FANK1: variants seen among roughly 807,000 people sequenced by gnomAD.
FANK1 encodes fibronectin type 3 and ankyrin repeat domains protein 1.
In FANK1, 44 loss-of-function variants were observed where a neutral mutation model predicts 45.3. The observed-to-expected ratio is 0.97, with a 90% CI of 0.76 to 1.25. FANK1 has a LOEUF of 1.25. Ranked by LOEUF, FANK1 falls within the 50% of genes most tolerant of loss-of-function variation. The pLI is 0.00. For missense variants in FANK1, 391 were observed against 424.4 expected (o/e 0.92, Z 0.69); for synonymous variants, 149 against 152.5 (o/e 0.98, Z 0.17).
intron 1 of FANK1, among the ~76,000 whole-genome samples, chr10:125,929,095 G>A (rs1214944934): frequency 3.9e-5 from 6 of 152,230 alleles, no homozygotes; most frequent in Admixed American, 2.6e-4. Context: ...GATGATGTGC[G>A]TATGCACAGG....
intron 1 of FANK1, among the ~76,000 whole-genome samples, chr10:125,933,691 C>G (rs1947896743): frequency 6.6e-6 from 1 of 151,874 alleles, no homozygotes; most frequent in Non-Finnish European, 1.5e-5. Flanking sequence ...TTGGTTTGTT[C>G]TTGGCTCTCT....
At chr10:126,001,159 TGTTTGTTG>T (rs1952728416) in intron 6 of FANK1, among the ~76,000 whole-genome samples, 2 of 152,208 alleles carry the variant, frequency 1.3e-5, no homozygotes, top group South Asian at 4.1e-4. Context: ...TTAGTAAGGG[TGTTTGTTG>T]TTGCCTTATT....
chr10:125,913,968 CA>C (rs1244263082), intron 1 of FANK1, among the ~76,000 whole-genome samples: 1 of 152,064 alleles, frequency 6.6e-6, no homozygotes, highest in Non-Finnish European at 1.5e-5. Context: ...AGTAAAAACA[CA>C]AAGAAGATGT....
chr10:125,958,107 A>G (rs1949696106), intron 1 of FANK1, among the ~76,000 whole-genome samples: 1 of 152,138 alleles, frequency 6.6e-6, no homozygotes, highest in South Asian at 2.1e-4. Context: ...ACTGTTAACT[A>G]TAGTCATTCT....
chr10:125,956,760 T>C (rs747224366), intron 1 of FANK1, among the ~76,000 whole-genome samples: 7 of 152,096 alleles, frequency 4.6e-5, no homozygotes, highest in Non-Finnish European at 1.0e-4. Flanking sequence ...TAGGAGAATA[T>C]CCGACAAGCC....
rs531891532 is a variant in FANK1, at chr10:125,971,898, A to G, written c.14-8263A>G. On this transcript the variant is annotated intron_variant, in intron 1 of 10. Transcript: ENST00000368693. ...TGGCCTCCGAAAGTAAAGTGCTGGG[A>G]TTACAGGTGTGAGCCACTGCGCCCG... 2.0e-4 allele frequency among the ~76,000 whole-genome samples: 30 copies of G among 152,252 alleles called. No individual in the cohort carries two copies. The South Asian group carries it at 6.0e-3, about 31-fold the overall frequency.
intron 1 of FANK1, among the ~76,000 whole-genome samples, chr10:125,966,006 A>G (rs893621264): frequency 6.6e-6 from 1 of 152,232 alleles, no homozygotes; most frequent in Non-Finnish European, 1.5e-5. Flanking sequence ...GAGGCAGGAC[A>G]GGTATCCTTA....
chr10:125,906,832 A>G (rs58665154), intron 1 of FANK1, among the ~76,000 whole-genome samples: 6,021 of 152,212 alleles, frequency 0.04, 409 homozygotes, highest in African/African-American at 0.13. Flanking sequence ...CAAACATTGT[A>G]CTTTTGTTTC....
At chr10:125,899,490 C>T (rs77736321) in intron 1 of FANK1, among the ~76,000 whole-genome samples, 371 of 135,116 alleles carry the variant, frequency 2.7e-3, no homozygotes, top group East Asian at 3.4e-3. Flanking sequence ...AGATTACAGG[C>T]GTGAGCCAGC....
intron 2 of FANK1, among the ~76,000 whole-genome samples, chr10:125,987,891 A>G (rs960640763): frequency 5.9e-5 from 9 of 152,206 alleles, no homozygotes; most frequent in African/African-American, 2.2e-4. Context: ...GATGAGACTC[A>G]GTACTACTTC....
intron 1 of FANK1, among the ~76,000 whole-genome samples, chr10:125,900,515 C>T (rs1446161622): frequency 6.6e-6 from 1 of 152,148 alleles, no homozygotes; most frequent in Non-Finnish European, 1.5e-5. Flanking sequence ...AATGCAGCAT[C>T]AAGAGAAGCC....
intron 3 of FANK1, among the ~76,000 whole-genome samples, chr10:125,990,791 G>A (rs1219772344): frequency 1.3e-5 from 2 of 152,214 alleles, no homozygotes; most frequent in Non-Finnish European, 2.9e-5. Context: ...ATAAAGGAAA[G>A]AAGTTTAATG....
chr10:125,944,229 G>T (rs1195544728), intron 1 of FANK1, among the ~76,000 whole-genome samples: 1 of 152,024 alleles, frequency 6.6e-6, no homozygotes, highest in Non-Finnish European at 1.5e-5. Flanking sequence ...TTTGATGTTT[G>T]GTTTATTTAC....
intron 1 of FANK1, among the ~76,000 whole-genome samples, chr10:125,974,600 C>A (rs1445940069): frequency 6.6e-6 from 1 of 152,096 alleles, no homozygotes; most frequent in Non-Finnish European, 1.5e-5. Flanking sequence ...TTACCTTTGG[C>A]AAAAATGAGA....
chr10:125,949,220 G>T (rs1564903243), intron 1 of FANK1, among the ~76,000 whole-genome samples: 1 of 151,164 alleles, frequency 6.6e-6, no homozygotes, highest in Non-Finnish European at 1.5e-5. Context: ...ACACAGGGAT[G>T]CCCTCTCTCA....
intron 1 of FANK1, among the ~76,000 whole-genome samples, chr10:125,917,443 T>C (rs1946534566): frequency 6.6e-6 from 1 of 152,224 alleles, no homozygotes; most frequent in South Asian, 2.1e-4. Context: ...TAAAAGCCAA[T>C]TAAATCTATA....
At chr10:125,996,026 G>C (rs1294962974) in intron 4 of FANK1, among the ~76,000 whole-genome samples, 1 of 152,206 alleles carries the variant, frequency 6.6e-6, no homozygotes, top group African/African-American at 2.4e-5. Context: ...AGTCATTTGT[G>C]AATTCGGCTC....
chr10:125,976,319 C>T (rs542835030), intron 1 of FANK1, among the ~76,000 whole-genome samples: 7 of 152,128 alleles, frequency 4.6e-5, no homozygotes, highest in African/African-American at 1.7e-4. Flanking sequence ...TAGAATCTTG[C>T]AGGAGTTCCC....
intron 1 of FANK1, among the ~76,000 whole-genome samples, chr10:125,959,900 A>T (rs373230141): frequency 2.2e-4 from 33 of 152,336 alleles, no homozygotes; most frequent in East Asian, 1.9e-3. Flanking sequence ...AAAGAGGTAC[A>T]TTTTGACGTA....
Sources: allele counts gnomAD v4.1 joint callset (sites outside exome capture counted in the v4.1 genomes callset), GRCh38; gene constraint gnomAD v4.1.1; transcripts MANE v1.5; gene names NCBI Gene and HGNC (gene_info 2026-07-23, HGNC 2026-07-21).